JAKMIP3: variants seen among roughly 807,000 people sequenced by gnomAD.
JAKMIP3 encodes Janus kinase and microtubule interacting protein 3.
Under a neutral mutation model 118.5 loss-of-function variants are expected in JAKMIP3, and 58 were observed. That is an observed-to-expected ratio of 0.49 (90% confidence interval 0.40 to 0.61). The LOEUF (loss-of-function observed/expected upper bound fraction) is 0.61, where lower values mean the gene tolerates loss of function less well. Among genes scored for constraint, JAKMIP3 ranks in the 20% least tolerant of loss-of-function variants. The pLI is 0.00. For synonymous variants in JAKMIP3, 486 were observed against 451.2 expected, an observed-to-expected ratio of 1.08 and a Z score of -0.98; for missense variants, 950 against 1,109.0, an observed-to-expected ratio of 0.86 and a Z score of 2.04.
chr10:132,080,785 G>T (rs2041663679), intron 1 of JAKMIP3, among the ~76,000 whole-genome samples: 1 of 151,930 alleles, frequency 6.6e-6, no homozygotes, highest in Non-Finnish European at 1.5e-5. Flanking sequence ...CTCCCAAAGT[G>T]CTGGGATTAC....
At position 132,137,144 on chromosome 10, in the gene JAKMIP3, G is replaced by A. The variant is rs779116336; in HGVS notation, c.1242G>A (p.Leu414=). ...AGCAGCAAAACCTCATAGATGAACTGTCTAAGGTACCCGGCGGGCTGTTTG... is the reference window on the plus strand; with the variant it reads ...AGCAGCAAAACCTCATAGATGAACTATCTAAGGTACCCGGCGGGCTGTTTG... The part of the protein sequence containing the change: ...IVEQQNLIDE[L]SKTLETAGYV... The change falls in exon 7 of 24, where the codon CTG becomes CTA. Residue 414 remains leucine, a synonymous_variant. Transcript: ENST00000684848. The A allele has an allele frequency of 6.2e-7, 1 of 1,613,942 alleles. No homozygotes were observed. Among genetic ancestry groups the A allele is most frequent in the Non-Finnish European group, 8.5e-7 (1 of 1,179,864 alleles).
intron 1 of JAKMIP3, among the ~76,000 whole-genome samples, chr10:132,082,875 CG>C (rs1335953375): frequency 6.6e-6 from 1 of 152,168 alleles, no homozygotes; most frequent in Non-Finnish European, 1.5e-5. Context: ...GCCCAAAGTG[CG>C]GGAATACAGG....
chr10:132,172,911 A>T (rs192177584), intron 23 of JAKMIP3, among the ~76,000 whole-genome samples: 35 of 149,994 alleles, frequency 2.3e-4, no homozygotes, highest in Non-Finnish European at 3.6e-4. Context: ...ACCTGTGCAC[A>T]CCCACACACC....
chr10:132,054,327 T>C (rs1023776805), intron 1 of JAKMIP3, among the ~76,000 whole-genome samples: 13 of 151,832 alleles, frequency 8.6e-5, no homozygotes, highest in Non-Finnish European at 1.9e-4. Flanking sequence ...ATAACTTCAA[T>C]TTACCAAGAA....
At chr10:132,068,945 C>T (rs1410794280) in intron 1 of JAKMIP3, among the ~76,000 whole-genome samples, 1 of 152,136 alleles carries the variant, frequency 6.6e-6, no homozygotes. Context: ...GAAAGTGACT[C>T]CGGCCAGCTC....
At chr10:132,094,753 G>C (rs7093978) in intron 1 of JAKMIP3, among the ~76,000 whole-genome samples, 129,392 of 152,044 alleles carry the variant, frequency 0.85, 55,264 homozygotes, top group African/African-American at 0.92. Flanking sequence ...TCTGCTGTGG[G>C]AGCATAGAGA....
intron 1 of JAKMIP3, among the ~76,000 whole-genome samples, chr10:132,067,958 CTG>C (rs2039147754): frequency 7.1e-6 from 1 of 141,192 alleles, no homozygotes; most frequent in African/African-American, 2.7e-5. Context: ...CTCTGGGTTT[CTG>C]TGTGGTCTGG....
rs2060440001 is a variant in JAKMIP3, at chr10:132,178,955, C to G, written c.*1104-3402C>G. Among the ~76,000 whole-genome samples the G allele has an allele frequency of 2.0e-5, 3 of 152,164 alleles. 1 individual carries two copies. The South Asian group carries it at 6.2e-4, about 31-fold the overall frequency. ...TGTACGACTACGTCTGCACGTGGTACCCATGGTGGTATTGATGAGGGTTCT... is the reference window on the plus strand; with the variant it reads ...TGTACGACTACGTCTGCACGTGGTAGCCATGGTGGTATTGATGAGGGTTCT... On this transcript the variant is annotated intron_variant, in intron 23 of 23. Transcript: ENST00000684848.
chr10:132,129,017 C>T (rs1011988973), intron 3 of JAKMIP3, among the ~76,000 whole-genome samples: 1 of 152,172 alleles, frequency 6.6e-6, no homozygotes, highest in Non-Finnish European at 1.5e-5. Flanking sequence ...TGCTTCTTCA[C>T]GTGTCTAATG....
At position 132,076,036 on chromosome 10, in the gene JAKMIP3, T is replaced by C. The variant is rs9419345; in HGVS notation, c.-138+9975T>C. Among the ~76,000 whole-genome samples the C allele has an allele frequency of 0.013, 2,019 of 152,282 alleles. 211 individuals carry two copies. The East Asian group carries it at 0.28, about 21-fold the overall frequency. ...AAATGTAACTCACATACCACACAGT[T>C]TGTCCACTCAAGTGTGCATTCACGG... is the stretch of plus-strand genomic sequence containing the variant. On this transcript the variant is annotated intron_variant, in intron 1 of 23. Coordinates refer to ENST00000684848, the MANE Select transcript of JAKMIP3 (RefSeq NM_001323087.2).
At chr10:132,180,584 CGCGT>C (rs1215734295) in intron 23 of JAKMIP3, among the ~76,000 whole-genome samples, 170 of 9,858 alleles carry the variant, frequency 0.017, 33 homozygotes, top group African/African-American at 0.048. Flanking sequence ...TGTGTGCGTG[CGCGT>C]GTGTGTGTGC....
Position 132,180,789 on chromosome 10 carries a change from A to G in JAKMIP3, c.*1104-1568A>G, listed in dbSNP as rs1214358806. 7.2e-4 allele frequency among the ~76,000 whole-genome samples: 13 copies of G among 17,992 alleles called. 1 individual carries two copies. Among genetic ancestry groups the G allele is most frequent in the African/African-American group, 2.3e-3 (12 of 5,202 alleles). 11.8% of individuals were successfully genotyped at this position (17,992 alleles called of 152,430 possible). A position where few individuals can be genotyped will look rare whatever the true frequency, so the allele number is the denominator to read the frequency against. ...TGTGTGCGTGTGTGTGTGTGCGCGT[A>G]TGCATGTGCTGTGAGTGGTGTGTTG... On this transcript the variant is annotated intron_variant, in intron 23 of 23. Coordinates refer to ENST00000684848, the MANE Select transcript of JAKMIP3 (RefSeq NM_001323087.2).
chr10:132,081,592 A>T (rs1026966457), intron 1 of JAKMIP3, among the ~76,000 whole-genome samples: 9 of 151,932 alleles, frequency 5.9e-5, no homozygotes, highest in African/African-American at 1.9e-4. Flanking sequence ...GCCCTTGGAG[A>T]GGTCTGGAGA....
chr10:132,061,919 C>T (rs2133853091), upstream of JAKMIP3, among the ~76,000 whole-genome samples: 1 of 152,320 alleles, frequency 6.6e-6, no homozygotes, highest in Non-Finnish European at 1.5e-5. Context: ...TGAGGCTTCG[C>T]CAACACTGGA....
chr10:132,105,553 G>A (rs2045775033), intron 2 of JAKMIP3, among the ~76,000 whole-genome samples: 1 of 143,924 alleles, frequency 6.9e-6, no homozygotes, highest in African/African-American at 2.5e-5. Context: ...GTGGGGGTCT[G>A]AAGCAGGGGG....
chr10:132,066,501 G>GGGTGCTTCCT (rs1439501449), intron 1 of JAKMIP3, among the ~76,000 whole-genome samples: 1 of 152,124 alleles, frequency 6.6e-6, no homozygotes, highest in Non-Finnish European at 1.5e-5. Flanking sequence ...TGCGGCGTCC[G>GGGTGCTTCCT]GGTGCTTCCT....
chr10:132,037,277 C>G (rs2037540956), intron 1 of JAKMIP3, among the ~76,000 whole-genome samples: 1 of 152,130 alleles, frequency 6.6e-6, no homozygotes, highest in Non-Finnish European at 1.5e-5. Flanking sequence ...GACCTTGCCT[C>G]TCGTGGAAAG....
chr10:132,120,336 C>T (rs1240373492), intron 3 of JAKMIP3, among the ~76,000 whole-genome samples: 3 of 152,132 alleles, frequency 2.0e-5, no homozygotes, highest in Non-Finnish European at 4.4e-5. Context: ...GCTGGGGGCT[C>T]ACATCCCATC....
At chr10:132,164,258 G>A (rs747630138) in intron 20 of JAKMIP3, among the ~76,000 whole-genome samples, 6 of 152,170 alleles carry the variant, frequency 3.9e-5, no homozygotes, top group East Asian at 1.9e-4. Flanking sequence ...GTTGGAGCTC[G>A]GATGCTTGGG....
Sources: allele counts gnomAD v4.1 joint callset (sites outside exome capture counted in the v4.1 genomes callset), GRCh38; gene constraint gnomAD v4.1.1; transcripts MANE v1.5; gene names NCBI Gene and HGNC (gene_info 2026-07-23, HGNC 2026-07-21).